NEK10: variants seen among roughly 807,000 people sequenced by gnomAD.
The protein encoded by NEK10 is NIMA related kinase 10.
In NEK10, 122 loss-of-function variants were observed where a neutral mutation model predicts 159.8. The observed-to-expected ratio is 0.76, with a 90% CI of 0.66 to 0.89. NEK10 has a LOEUF of 0.89. Among genes scored for constraint, NEK10 ranks in the 40% least tolerant of loss-of-function variants. NEK10 has a pLI of 0.00. For synonymous variants in NEK10, 466 were observed against 457.1 expected (o/e 1.02, Z -0.25); for missense variants, 1,342 against 1,323.1 (o/e 1.01, Z -0.22).
At position 27,249,604 on chromosome 3, in the gene NEK10, ATG is replaced by A. The variant is rs779934463; in HGVS notation, c.2090+6690_2090+6691del. On this transcript the variant is annotated intron_variant, in intron 23 of 35. Coordinates refer to ENST00000691995, the MANE Select transcript of NEK10 (RefSeq NM_001394966.1). ...TTTTCCTTCTCTTTATTTTCAGTCTATGTGTCTTTAGAGGTGAAATGCATTTT... is the reference window on the plus strand; with the variant it reads ...TTTTCCTTCTCTTTATTTTCAGTCTATGTCTTTAGAGGTGAAATGCATTTT... Among the ~76,000 whole-genome samples the A allele has an allele frequency of 2.6e-5, 4 of 151,782 alleles. No homozygotes were observed. In the South Asian group the frequency reaches 8.3e-4, roughly 32 times the overall value.
intron 26 of NEK10, among the ~76,000 whole-genome samples, chr3:27,178,251 C>T (rs906932075): frequency 2.0e-5 from 3 of 152,126 alleles, no homozygotes; most frequent in Admixed American, 6.6e-5. Flanking sequence ...CAGTAACAGA[C>T]TGACATTACC....
intron 23 of NEK10, among the ~76,000 whole-genome samples, chr3:27,218,724 C>T (rs1221297962): frequency 9.2e-6 from 1 of 108,488 alleles, no homozygotes; most frequent in Non-Finnish European, 1.9e-5. Flanking sequence ...ATCATATTAA[C>T]AGAATGAAGT....
In NEK10 at chr3:27,186,154, G is replaced by C. The variant is rs146064171; in HGVS notation, c.2505+5875C>G. Among the ~76,000 whole-genome samples the C allele has an allele frequency of 5.3e-5, 8 of 152,342 alleles. No individual in the cohort carries two copies. In the East Asian group the frequency reaches 1.5e-3, roughly 29 times the overall value. ...TCAAAATATAGGTCTGGCACACAGA[G>C]AGACTGAGATCAGACAGGCAGCTTT... On this transcript the variant is annotated intron_variant, in intron 26 of 35. Coordinates refer to ENST00000691995, the MANE Select transcript of NEK10 (RefSeq NM_001394966.1).
intron 6 of NEK10, among the ~76,000 whole-genome samples, chr3:27,317,626 T>G (rs2045302975): frequency 6.6e-6 from 1 of 152,180 alleles, no homozygotes; most frequent in South Asian, 2.1e-4. Flanking sequence ...ATATTTTTAT[T>G]ACAGCCAAAA....
chr3:27,291,923 T>A (rs1331522950), intron 16 of NEK10, among the ~76,000 whole-genome samples: 1 of 152,350 alleles, frequency 6.6e-6, no homozygotes, highest in East Asian at 1.9e-4. Context: ...ATTACAGGTG[T>A]GAGCCACCGC....
chr3:27,368,728 G>C (rs530575683), intron 1 of NEK10, among the ~76,000 whole-genome samples: 2 of 152,278 alleles, frequency 1.3e-5, no homozygotes, highest in East Asian at 1.9e-4. Context: ...GAGCAGGCTA[G>C]GTTCCAGTTG....
intron 3 of NEK10, among the ~76,000 whole-genome samples, chr3:27,350,841 T>C (rs978482400): frequency 6.6e-5 from 10 of 152,230 alleles, no homozygotes; most frequent in African/African-American, 2.2e-4. Flanking sequence ...AAAACTATAT[T>C]GGTTTTTGGT....
intron 26 of NEK10, among the ~76,000 whole-genome samples, chr3:27,190,642 C>G (rs1949026063): frequency 6.6e-6 from 1 of 152,178 alleles, no homozygotes; most frequent in South Asian, 2.1e-4. Context: ...TATGAAATGA[C>G]TCTTTCACAT....
At chr3:27,126,145 T>G (rs1357309653) in intron 32 of NEK10, among the ~76,000 whole-genome samples, 2 of 152,134 alleles carry the variant, frequency 1.3e-5, no homozygotes, top group East Asian at 3.9e-4. Context: ...TCTGCCTACT[T>G]GGAGAAGAGC....
rs950560519 is a variant in NEK10, at chr3:27,275,780, G to C, written c.2014+8822C>G. ...ACACAAATTTCTCAGCCACAGTTTA[G>C]CCAACCAATAACAATTAAAAGTCCT... On this transcript the variant is annotated intron_variant, in intron 22 of 35. Coordinates refer to ENST00000691995, the MANE Select transcript of NEK10 (RefSeq NM_001394966.1). 1.2e-4 allele frequency among the ~76,000 whole-genome samples: 18 copies of C among 152,134 alleles called. 1 individual carries two copies. The East Asian group carries it at 3.5e-3, about 29-fold the overall frequency.
At chr3:27,205,170 AAGG>A (rs1456644977) in intron 23 of NEK10, among the ~76,000 whole-genome samples, 1 of 152,024 alleles carries the variant, frequency 6.6e-6, no homozygotes, top group Non-Finnish European at 1.5e-5. Flanking sequence ...GGACCTCTTC[AAGG>A]AGAACTACAA....
intron 30 of NEK10, among the ~76,000 whole-genome samples, chr3:27,152,636 G>A (rs1944995429): frequency 6.6e-6 from 1 of 151,676 alleles, no homozygotes; most frequent in South Asian, 2.1e-4. Flanking sequence ...GAAACAAATA[G>A]CACAATGAAT....
chr3:27,246,195 G>A (rs1199130496), intron 23 of NEK10, among the ~76,000 whole-genome samples: 1 of 152,076 alleles, frequency 6.6e-6, no homozygotes, highest in African/African-American at 2.4e-5. Flanking sequence ...AATGTACAAT[G>A]GCATTATGTA....
intron 26 of NEK10, among the ~76,000 whole-genome samples, chr3:27,186,582 G>C (rs1948643673): frequency 1.3e-5 from 2 of 152,094 alleles, no homozygotes; most frequent in South Asian, 4.2e-4. Flanking sequence ...GGGAAACTGG[G>C]GCACAGACAG....
chr3:27,271,778 A>C (rs12492994), intron 22 of NEK10, among the ~76,000 whole-genome samples: 1 of 152,012 alleles, frequency 6.6e-6, no homozygotes, highest in Admixed American at 6.6e-5. Context: ...CAGAAATTGT[A>C]CTCATAAAAG....
chr3:27,252,970 T>G (rs573600119), intron 23 of NEK10: 4 of 466,226 alleles, frequency 8.6e-6, no homozygotes, highest in African/African-American at 7.9e-5. Flanking sequence ...TTGAGTGTAT[T>G]ATAGCTTTCT....
intron 32 of NEK10, among the ~76,000 whole-genome samples, chr3:27,130,309 A>T (rs1048888638): frequency 6.6e-6 from 1 of 151,924 alleles, no homozygotes. Context: ...ATCTCCTACC[A>T]CCCTACCAAT....
At chr3:27,255,163 C>G (rs1283103689) in intron 23 of NEK10, 1 of 188,618 alleles carries the variant, frequency 5.3e-6, no homozygotes, top group Non-Finnish European at 1.2e-5. Flanking sequence ...CACAGTGAAA[C>G]AAAAGAAAAT....
chr3:27,147,351 A>C (rs1944400560), intron 30 of NEK10, among the ~76,000 whole-genome samples: 1 of 152,228 alleles, frequency 6.6e-6, no homozygotes, highest in Non-Finnish European at 1.5e-5. Context: ...ACTTCCCAAC[A>C]CAGACCAGTA....
Sources: allele counts gnomAD v4.1 joint callset (sites outside exome capture counted in the v4.1 genomes callset), GRCh38; gene constraint gnomAD v4.1.1; transcripts MANE v1.5; gene names NCBI Gene and HGNC (gene_info 2026-07-23, HGNC 2026-07-21).